Variants in NDST1 observed in about 807,000 individuals in gnomAD.
The protein encoded by NDST1 is bifunctional heparan sulfate N-deacetylase/N-sulfotransferase 1.
NDST1 carries 35 observed loss-of-function variants against 92.8 expected under a neutral mutation model. The ratio of observed to expected loss-of-function variants is 0.38; its 90% CI spans 0.29 to 0.50. NDST1 has a LOEUF of 0.50. Among genes scored for constraint, NDST1 ranks in the 20% least tolerant of loss-of-function variants. The pLI, the probability that NDST1 is intolerant of heterozygous loss-of-function variation, is 0.94. For missense variants in NDST1, 822 were observed against 1,182.7 expected (o/e 0.69, Z 4.47); for synonymous variants, 493 against 500.3 (o/e 0.99, Z 0.19).
intron 11 of NDST1, among the ~76,000 whole-genome samples, chr5:150,547,640 T>C (rs1755547953): frequency 6.6e-6 from 1 of 152,212 alleles, no homozygotes; most frequent in Admixed American, 6.5e-5. Context: ...AAAGAGAGCA[T>C]GTTCAGGGCC....
chr5:150,545,489 G>A lies in NDST1; in HGVS notation c.2145+3G>A. The A allele has an allele frequency of 6.2e-7, 1 of 1,614,234 alleles. No homozygotes were observed. Among genetic ancestry groups the A allele is most frequent in the Non-Finnish European group, 8.5e-7 (1 of 1,180,038 alleles). ...ACCGGGCCTATTCCTGGTACCAGGT[G>A]AGTGGGGCTGGGGTGGAGTCCCTGT... On this transcript the variant is annotated splice_donor_region_variant and intron_variant, in intron 11 of 14. Transcript: ENST00000261797.
chr5:150,553,321 A>T lies in NDST1; in HGVS notation c.2638A>T (p.Asn880Tyr), dbSNP rs1420741697. 5.6e-6 allele frequency: 9 copies of T among 1,613,372 alleles called. No individual in the cohort carries two copies. The highest frequency in any genetic ancestry group is 6.8e-6 in the Non-Finnish European group (8 of 1,179,452). The change falls in exon 15 of 15, where the codon AAC becomes TAC. Residue 880 changes from asparagine to tyrosine, a missense_variant. Physicochemically the swap from Asn to Tyr is moderately radical, Grantham distance 143 (BLOSUM62 -2). Transcript: ENST00000261797. This position sits in a 1 kb window ranked among gnomAD's most constrained non-coding sequence, Gnocchi z 4.2. ...LPTWLREDLQ[N>Y]TR ...CACTTGGCTACGAGAGGACCTCCAG[A>T]ACACCAGGTAGCCGTGGCCACCACA...
chr5:150,503,934 G>T (rs1753339581), upstream of NDST1, among the ~76,000 whole-genome samples: 1 of 152,198 alleles, frequency 6.6e-6, no homozygotes, highest in Admixed American at 6.5e-5. Context: ...TTTACGTGTA[G>T]GTAGGGCTCT....
At chr5:150,518,378 G>A (rs143421233) in intron 1 of NDST1, among the ~76,000 whole-genome samples, 28 of 152,042 alleles carry the variant, frequency 1.8e-4, no homozygotes, top group East Asian at 1.2e-3. Flanking sequence ...CAGGGTACTG[G>A]CACTGAAATG....
intron 4 of NDST1, among the ~76,000 whole-genome samples, chr5:150,533,776 T>C (rs1050243128): frequency 1.3e-5 from 2 of 152,178 alleles, no homozygotes; most frequent in African/African-American, 4.8e-5. Flanking sequence ...TTTTATATTC[T>C]TTTTAAAATT....
In NDST1 at chr5:150,545,389, C is replaced by T. The variant is rs775049078; in HGVS notation, c.2048C>T (p.Ser683Leu). The T allele has an allele frequency of 1.2e-6, 2 of 1,614,134 alleles. No homozygotes were observed. The highest frequency in any genetic ancestry group is 1.7e-5 in the Admixed American group (1 of 60,014). The change falls in exon 11 of 15, where the codon TCA becomes TTA. Residue 683 changes from serine (S) to leucine (L), a missense_variant. By Grantham distance (145) the Ser-to-Leu change is moderately radical. Transcript: ENST00000261797. ...GAGAAAAGCGCCAACTACTTTGATTCAGAAGTGGCGCCCCGGCGGGCAGCA... is the reference window on the plus strand; with the variant it reads ...GAGAAAAGCGCCAACTACTTTGATTTAGAAGTGGCGCCCCGGCGGGCAGCA... The part of the protein sequence containing the change: ...YFEKSANYFD[S>L]EVAPRRAAAL...
In NDST1 at chr5:150,550,276, A is replaced by T. The variant is rs138388161; in HGVS notation, c.2426+489A>T. 1,628 of 191,234 alleles carry T rather than the reference A, an allele frequency of 8.5e-3. 24 individuals carry two copies. The highest frequency in any genetic ancestry group is 0.037 in the African/African-American group (1,541 of 41,668). The allele number at this position is 191,234 out of a possible 1,614,324, so 11.8% of individuals were successfully genotyped here. On this transcript the variant is annotated intron_variant, in intron 13 of 14. Transcript: ENST00000261797. ...GCCACCATGCCTGGCTAATTTTTGT[A>T]TGTTTTGTAGAGAAGGGGTTTCACC...
intron 1 of NDST1, among the ~76,000 whole-genome samples, chr5:150,515,111 G>A (rs1176956512): frequency 6.6e-6 from 1 of 152,216 alleles, no homozygotes; most frequent in South Asian, 2.1e-4. Flanking sequence ...ACATGCTCAG[G>A]TGCACCCAGG....
intron 1 of NDST1, among the ~76,000 whole-genome samples, chr5:150,511,572 G>A (rs1753722636): frequency 6.6e-6 from 1 of 152,118 alleles, no homozygotes; most frequent in African/African-American, 2.4e-5. Context: ...CTCTCTCTGG[G>A]TCTCAGTGTC....
intron 12 of NDST1, among the ~76,000 whole-genome samples, chr5:150,548,623 A>G (rs1006604107): frequency 2.0e-5 from 3 of 151,604 alleles, no homozygotes; most frequent in Admixed American, 2.0e-4. Flanking sequence ...TATAGCCTCG[A>G]TGTCCCGAGC....
intron 1 of NDST1, among the ~76,000 whole-genome samples, 145 bp from the exon 2 acceptor site, chr5:150,520,710 GGGCTCAGAGATAT>G (rs1038618317): frequency 1.3e-5 from 2 of 152,184 alleles, no homozygotes; most frequent in African/African-American, 4.8e-5. Flanking sequence ...AGGGAAACTG[GGGCTCAGAGATAT>G]TAAAGAGCTT....
At chr5:150,517,807 C>G (rs1036599230) in intron 1 of NDST1, among the ~76,000 whole-genome samples, 1 of 152,260 alleles carries the variant, frequency 6.6e-6, no homozygotes, top group Non-Finnish European at 1.5e-5. Flanking sequence ...TAGAGGGTCA[C>G]TGACCACAGC....
intron 3 of NDST1, among the ~76,000 whole-genome samples, chr5:150,529,096 A>G (rs1020177591): frequency 6.6e-6 from 1 of 151,994 alleles, no homozygotes; most frequent in African/African-American, 2.4e-5. Flanking sequence ...TGTTTAATTC[A>G]AAAAAGGTTT....
chr5:150,501,174 T>C (rs576245902), intron 1 of NDST1, among the ~76,000 whole-genome samples: 2 of 152,346 alleles, frequency 1.3e-5, no homozygotes, highest in East Asian at 3.9e-4. Context: ...GGCTTCGTGC[T>C]CTTCATTCTG....
intron 1 of NDST1, among the ~76,000 whole-genome samples, chr5:150,517,538 A>G (rs1056044815): frequency 1.3e-5 from 2 of 152,164 alleles, no homozygotes; most frequent in African/African-American, 4.8e-5. Context: ...GGTAGTATGC[A>G]TTCTGTGGGT....
At chr5:150,539,158 T>A in intron 6 of NDST1, 70 bp from the exon 7 acceptor site, 1 of 1,304,638 alleles carries the variant, frequency 7.7e-7, no homozygotes, top group Non-Finnish European at 1.1e-6. Context: ...CTTCTTCCTC[T>A]GAGGAAGAGT....
rs1755899488 is a variant in NDST1, at chr5:150,557,762, T to G, written c.*4430T>G. 1 of 152,550 alleles carries G rather than the reference T, an allele frequency of 6.6e-6. No individual in the cohort carries two copies. Among genetic ancestry groups the G allele is most frequent in the African/African-American group, 2.4e-5 (1 of 41,428 alleles). The allele number at this position is 152,550 out of a possible 1,614,324, so 9.4% of individuals were successfully genotyped here. On this transcript the variant is annotated 3_prime_UTR_variant, in exon 15 of 15. Transcript: ENST00000261797. The surrounding 1 kb of genome is among the most constrained non-coding windows in gnomAD (Gnocchi z 4.7). ...TTGCCAGCTCAGACGGCTGGCGAGTTTTCAGCTTCCCTAAGGGACTGGCAT... is the reference window on the plus strand; with the variant it reads ...TTGCCAGCTCAGACGGCTGGCGAGTGTTCAGCTTCCCTAAGGGACTGGCAT...
rs924544545 is a variant in NDST1 at position 150,536,008 on chromosome 5, T to G, written c.1437+123T>G. On this transcript the variant is annotated intron_variant, in intron 6 of 14. Transcript: ENST00000261797. ...CTGGCTTAGGGGTTGCAGATCAGCTTCTGCTGCCTCCTCTGGCACCCGAGG... is the reference window on the plus strand; with the variant it reads ...CTGGCTTAGGGGTTGCAGATCAGCTGCTGCTGCCTCCTCTGGCACCCGAGG... The G allele has an allele frequency of 1.1e-5, 13 of 1,175,582 alleles. No homozygotes were observed. The African/African-American group carries it at 1.8e-4, about 16-fold the overall frequency. 72.8% of individuals were successfully genotyped at this position (1,175,582 alleles called of 1,614,324 possible).
chr5:150,530,887 G>A (rs1754700200), intron 3 of NDST1, among the ~76,000 whole-genome samples: 1 of 152,032 alleles, frequency 6.6e-6, no homozygotes, highest in South Asian at 2.1e-4. Flanking sequence ...AAAGTGAAAG[G>A]AATGATAGCA....
Sources: gnomAD v4.1 joint callset for allele counts (sites outside exome capture counted in the v4.1 genomes callset) on GRCh38, gnomAD v4.1.1 for gene constraint, Gnocchi (gnomAD v3.1) non-coding constraint, MANE v1.5 for transcripts, NCBI Gene and HGNC (gene_info 2026-07-23, HGNC 2026-07-21) for gene names.